Variants in ZIM2 observed in about 807,000 individuals in gnomAD.
ZIM2 encodes the protein zinc finger protein 656.
A neutral mutation model predicts 38.6 loss-of-function variants in ZIM2; 14 were observed. That is an observed-to-expected ratio of 0.36 (90% CI 0.24 to 0.57). The LOEUF is 0.57. Among genes scored for constraint, ZIM2 ranks in the 20% least tolerant of loss-of-function variants. ZIM2 has a pLI of 0.81. For synonymous variants in ZIM2, 247 were observed against 245.8 expected, an observed-to-expected ratio of 1.00 and a Z score of -0.04; for missense variants, 680 against 695.1, an observed-to-expected ratio of 0.98 and a Z score of 0.24.
rs189459698 is a variant in ZIM2 at position 56,793,438 on chromosome 19, G to A, written c.491-3487C>T. Among the ~76,000 whole-genome samples the A allele has an allele frequency of 2.6e-5, 4 of 152,288 alleles. No homozygotes were observed. In the East Asian group the frequency reaches 7.7e-4, roughly 29 times the overall value. On this transcript the variant is annotated intron_variant, in intron 9 of 12. Coordinates refer to ENST00000629319, the MANE Select transcript of ZIM2 (RefSeq NM_001387356.1). ...TCCAGTACACAATGTTGTGGAAGAC[G>A]GTAGGCAGGGCTGTATCAGCTGAAA...
At chr19:56,780,938 T>C (rs1456518643) in intron 11 of ZIM2, among the ~76,000 whole-genome samples, 2 of 152,178 alleles carry the variant, frequency 1.3e-5, no homozygotes, top group African/African-American at 4.8e-5. Flanking sequence ...TCCCAGGTGA[T>C]ATATAAGATC....
At chr19:56,804,150 T>TC (rs1252292720) in intron 9 of ZIM2, among the ~76,000 whole-genome samples, 3 of 152,208 alleles carry the variant, frequency 2.0e-5, no homozygotes, top group Non-Finnish European at 2.9e-5. Flanking sequence ...CAGAGAGGGC[T>TC]CCTCAGCTGG....
intron 12 of ZIM2, among the ~76,000 whole-genome samples, chr19:56,776,554 CA>C (rs1330432800): frequency 2.0e-5 from 3 of 152,192 alleles, no homozygotes; most frequent in Non-Finnish European, 2.9e-5. Flanking sequence ...AACAGGTCAA[CA>C]ACCTCTTGTT....
intron 8 of ZIM2, 26 bp downstream of exon 8, chr19:56,818,564 CTGGACTGGGA>C: frequency 6.2e-7 from 1 of 1,610,184 alleles, no homozygotes; most frequent in South Asian, 1.1e-5. Context: ...GCTCCAATGA[CTGGACTGGGA>C]GTGACTGAGA....
intron 9 of ZIM2, chr19:56,817,521 A>G (rs2060089669): frequency 5.0e-6 from 8 of 1,606,164 alleles, no homozygotes; most frequent in Non-Finnish European, 6.8e-6. Context: ...GGGAAGATTC[A>G]TCTTCACAAA....
chr19:56,781,006 C>A (rs2046305581), intron 11 of ZIM2, among the ~76,000 whole-genome samples: 1 of 152,202 alleles, frequency 6.6e-6, no homozygotes, highest in African/African-American at 2.4e-5. Flanking sequence ...GATAGAAATG[C>A]TCCAGGTCAC....
chr19:56,786,799 A>G (rs1437013627), intron 10 of ZIM2, among the ~76,000 whole-genome samples: 1 of 152,042 alleles, frequency 6.6e-6, no homozygotes, highest in African/African-American at 2.4e-5. Flanking sequence ...CCTGGGTTCA[A>G]GTACTGTACT....
intron 2 of ZIM2, among the ~76,000 whole-genome samples, chr19:56,829,993 T>C (rs536270766): frequency 2.0e-5 from 3 of 152,198 alleles, no homozygotes; most frequent in Non-Finnish European, 4.4e-5. Context: ...CCTGATGCTA[T>C]CAAATGAAAT....
intron 9 of ZIM2, chr19:56,812,916 A>G: frequency 1.0e-6 from 1 of 985,836 alleles, no homozygotes; most frequent in Admixed American, 6.1e-5. Context: ...CTGGGTCACA[A>G]AAAGCCAATC....
At chr19:56,810,985 G>T in intron 9 of ZIM2, 1 of 973,374 alleles carries the variant, frequency 1.0e-6, no homozygotes, top group Non-Finnish European at 1.2e-6. Context: ...CAAAGGTAAT[G>T]TAACAGCTAT....
chr19:56,833,053 G>A, intron 2 of ZIM2: 1 of 428,198 alleles, frequency 2.3e-6, no homozygotes, highest in Non-Finnish European at 4.7e-6. Context: ...GAGAAATGAT[G>A]GGTCAGTGTT....
chr19:56,819,855 C>CA (rs1313172634), intron 7 of ZIM2, among the ~76,000 whole-genome samples: 8 of 151,272 alleles, frequency 5.3e-5, no homozygotes, highest in Admixed American at 1.3e-4. Context: ...AAAAATGTAG[C>CA]AAAAAAAAGA....
intron 11 of ZIM2, among the ~76,000 whole-genome samples, chr19:56,780,765 C>A (rs2145852430): frequency 6.6e-6 from 1 of 152,310 alleles, no homozygotes; most frequent in South Asian, 2.1e-4. Context: ...ATGCTAACAC[C>A]AAACTGATAT....
chr19:56,805,907 CAG>C (rs1162545916), intron 9 of ZIM2, among the ~76,000 whole-genome samples: 3 of 152,132 alleles, frequency 2.0e-5, no homozygotes, highest in Non-Finnish European at 4.4e-5. Context: ...GGAATATTGA[CAG>C]ATTTGATAAA....
rs746965257 is a variant in ZIM2, at chr19:56,815,326, A to T, written c.490+2420T>A. The T allele has an allele frequency of 1.9e-6, 3 of 1,614,048 alleles. No homozygotes were observed. In the Admixed American group the frequency reaches 5.0e-5, roughly 27 times the overall value. On this transcript the variant is annotated intron_variant, in intron 9 of 12. Coordinates refer to ENST00000629319, the MANE Select transcript of ZIM2 (RefSeq NM_001387356.1). ...GTTGAGGTCTTCGCTGGTAGCAAAAAATTGTCTGAAGTCCTTACATTTGTT... is the reference window on the plus strand; with the variant it reads ...GTTGAGGTCTTCGCTGGTAGCAAAATATTGTCTGAAGTCCTTACATTTGTT...
At chr19:56,778,189 A>T (rs1334062725) in intron 12 of ZIM2, among the ~76,000 whole-genome samples, 3 of 152,152 alleles carry the variant, frequency 2.0e-5, no homozygotes, top group Non-Finnish European at 4.4e-5. Flanking sequence ...GAAGGAAGAG[A>T]TTTGTCTGTC....
intron 10 of ZIM2, among the ~76,000 whole-genome samples, chr19:56,785,208 TC>T (rs1260170024): frequency 3.3e-5 from 5 of 152,154 alleles, no homozygotes; most frequent in African/African-American, 9.7e-5. Flanking sequence ...GGACAGGCAC[TC>T]CCCCTGTTTC....
intron 9 of ZIM2, among the ~76,000 whole-genome samples, chr19:56,793,906 A>C (rs2047065957): frequency 6.6e-6 from 1 of 152,214 alleles, no homozygotes; most frequent in South Asian, 2.1e-4. Flanking sequence ...TGAAGTCAGA[A>C]TAGTGGCTGC....
At chr19:56,800,814 G>A (rs773029255) in intron 9 of ZIM2, among the ~76,000 whole-genome samples, 35 of 151,886 alleles carry the variant, frequency 2.3e-4, no homozygotes, top group Non-Finnish European at 4.4e-4. Context: ...GTCTGTGGAA[G>A]AAAATTTATA....
Sources: allele counts gnomAD v4.1 joint callset (sites outside exome capture counted in the v4.1 genomes callset), GRCh38; gene constraint gnomAD v4.1.1; transcripts MANE v1.5; gene names NCBI Gene and HGNC (gene_info 2026-07-23, HGNC 2026-07-21).